The following SLC35B3 variants were observed in gnomAD, a reference collection of about 807,000 sequenced individuals.
SLC35B3 encodes solute carrier family 35 member B3.
A neutral mutation model predicts 44.1 loss-of-function variants in SLC35B3; 35 were observed. The observed-to-expected ratio is 0.79, with a 90% CI of 0.61 to 1.05. The LOEUF (loss-of-function observed/expected upper bound fraction) is 1.05. Ranked by LOEUF, SLC35B3 falls within the 50% of genes least tolerant of loss-of-function variation. SLC35B3 has a pLI of 0.00. For synonymous variants in SLC35B3, 146 were observed against 167.3 expected (o/e 0.87, Z 0.98); for missense variants, 414 against 476.4 (o/e 0.87, Z 1.22).
intron 8 of SLC35B3, 26 bp downstream of exon 7, chr6:8,417,376 T>A: frequency 7.1e-7 from 1 of 1,399,872 alleles, no homozygotes; most frequent in East Asian, 2.3e-5. Flanking sequence ...AGAAGATTTT[T>A]TTTTTTAAAT....
chr6:8,413,798 G>C, intron 10 of SLC35B3, 99 bp from the exon 10 acceptor site: 1 of 694,024 alleles, frequency 1.4e-6, no homozygotes, highest in Non-Finnish European at 2.2e-6. Flanking sequence ...ATTCTTCAGT[G>C]AAGTAAAATT....
chr6:8,427,086 G>A (rs1457746242), intron 4 of SLC35B3, among the ~76,000 whole-genome samples: 1 of 152,186 alleles, frequency 6.6e-6, no homozygotes, highest in Non-Finnish European at 1.5e-5. Context: ...AAAGGTAATT[G>A]GGTGCTGTTG....
chr6:8,429,788 G>T, intron 3 of SLC35B3, 76 bp downstream of exon 2: 1 of 1,122,736 alleles, frequency 8.9e-7, no homozygotes, highest in Non-Finnish European at 1.2e-6. Flanking sequence ...ACTATCTTGG[G>T]CAAAACTAGT....
rs562584011 is a variant in SLC35B3, at chr6:8,434,540, C to CT, written c.-43-111dup. 7,597 of 739,474 alleles carry CT rather than the reference C, an allele frequency of 0.01. No individual in the cohort carries two copies. The highest frequency in any genetic ancestry group is 0.011 in the South Asian group (345 of 30,124). The allele number at this position is 739,474 out of a possible 1,614,324, so 45.8% of individuals were successfully genotyped here. On this transcript the variant is annotated intron_variant, in intron 1 of 10. Coordinates refer to ENST00000644923, the MANE Select transcript of SLC35B3 (RefSeq NM_001370476.2). The surrounding 1 kb of genome is among the most constrained non-coding windows in gnomAD (Gnocchi z 6.3). ...CCTGTGCTAATGTTTGAAGACTATT[C>CT]TTTTTTTTTTCCAAGAGAAAAAGTT...
At chr6:8,416,487 G>C (rs1350639351) in intron 9 of SLC35B3, among the ~76,000 whole-genome samples, 2 of 152,022 alleles carry the variant, frequency 1.3e-5, no homozygotes, top group African/African-American at 4.8e-5. Context: ...ACAAATGAAA[G>C]GCCTAAAAAG....
intron 4 of SLC35B3, among the ~76,000 whole-genome samples, chr6:8,426,907 G>T (rs964340993): frequency 3.3e-5 from 5 of 152,148 alleles, no homozygotes; most frequent in Admixed American, 6.5e-5. Flanking sequence ...TCAGACTGAG[G>T]TGGTCTCAGA....
chr6:8,425,115 T>C (rs1763290227), intron 4 of SLC35B3, among the ~76,000 whole-genome samples: 1 of 152,238 alleles, frequency 6.6e-6, no homozygotes, highest in Non-Finnish European at 1.5e-5. Context: ...AAATATGTTA[T>C]GGTCACGTGA....
chr6:8,434,301 A>G lies in SLC35B3; in HGVS notation c.3+84T>C, dbSNP rs1764274458. 2.3e-6 allele frequency: 3 copies of G among 1,317,868 alleles called. No homozygotes were observed. The highest frequency in any genetic ancestry group is 3.2e-6 in the Non-Finnish European group (3 of 923,406). 81.6% of individuals were successfully genotyped at this position (1,317,868 alleles called of 1,614,324 possible). On this transcript the variant is annotated intron_variant, in intron 2 of 10. Transcript: ENST00000644923. The surrounding 1 kb of genome is among the most constrained non-coding windows in gnomAD (Gnocchi z 6.3). ...AAAAAAAGGTAGAATATGAAAAAAA[A>G]GTCATTACGGTGTCATTAACCTGAA...
chr6:8,432,168 C>T lies in SLC35B3; in HGVS notation c.4-2011G>A, dbSNP rs1216530925. 1.3e-5 allele frequency among the ~76,000 whole-genome samples: 2 copies of T among 152,008 alleles called. No individual in the cohort carries two copies. Among genetic ancestry groups the T allele is most frequent in the East Asian group, 3.9e-4 (2 of 5,170 alleles). ...AGATGAACCAAATAAACTGATCCTT[C>T]CTCTTGATACCCTCAAACTTCAGCT... On this transcript the variant is annotated intron_variant, in intron 2 of 10. Transcript: ENST00000644923. The surrounding 1 kb of genome is among the most constrained non-coding windows in gnomAD (Gnocchi z 4.8).
Position 8,420,869 on chromosome 6 carries a change from C to A in SLC35B3, c.575-41G>T, listed in dbSNP as rs910131031. ...GTAAGTCCACTTCATTATGCAAATA[C>A]CCACCCAGCTTTATATTTGCTCTAT... On this transcript the variant is annotated intron_variant, in intron 5 of 10. Transcript: ENST00000644923. This position sits in a 1 kb window ranked among gnomAD's most constrained non-coding sequence, Gnocchi z 4.4. The A allele has an allele frequency of 1.4e-6, 2 of 1,451,794 alleles. No individual in the cohort carries two copies. Among genetic ancestry groups the A allele is most frequent in the African/African-American group, 1.4e-5 (1 of 71,374 alleles). The allele number at this position is 1,451,794 out of a possible 1,614,324, so 89.9% of individuals were successfully genotyped here. A position where few individuals can be genotyped will look rare whatever the true frequency, so the allele number is the denominator to read the frequency against.
At position 8,434,931 on chromosome 6, in the gene SLC35B3, GAA is replaced by G. The variant is rs1764341667; in HGVS notation, c.-44+410_-44+411del. On this transcript the variant is annotated intron_variant, in intron 1 of 10. Transcript: ENST00000644923. The surrounding 1 kb of genome is among the most constrained non-coding windows in gnomAD (Gnocchi z 6.3). ...CACATTCTACTGCAAGCCAAATGGA[GAA>G]AAGAGTACCTTGGAGTGCCCCTATT... 1 of 333,946 alleles carries G rather than the reference GAA, an allele frequency of 3.0e-6. No individual in the cohort carries two copies. Among genetic ancestry groups the G allele is most frequent in the Non-Finnish European group, 4.9e-6 (1 of 203,988 alleles). 20.7% of individuals were successfully genotyped at this position (333,946 alleles called of 1,614,324 possible).
chr6:8,434,286 A>T lies in SLC35B3; in HGVS notation c.3+99T>A, dbSNP rs1764271671. On this transcript the variant is annotated intron_variant, in intron 2 of 10. Transcript: ENST00000644923. This position sits in a 1 kb window ranked among gnomAD's most constrained non-coding sequence, Gnocchi z 6.3. ...CAAAAGTCCCACACCAAAAAAAGGTAGAATATGAAAAAAAAGTCATTACGG... is the reference window on the plus strand; with the variant it reads ...CAAAAGTCCCACACCAAAAAAAGGTTGAATATGAAAAAAAAGTCATTACGG... The T allele has an allele frequency of 3.5e-6, 4 of 1,142,272 alleles. No individual in the cohort carries two copies. Among genetic ancestry groups the T allele is most frequent in the Non-Finnish European group, 3.9e-6 (3 of 767,492 alleles). The allele number at this position is 1,142,272 out of a possible 1,614,324, so 70.8% of individuals were successfully genotyped here.
intron 4 of SLC35B3, among the ~76,000 whole-genome samples, chr6:8,426,272 A>G (rs982247426): frequency 6.6e-6 from 1 of 152,188 alleles, no homozygotes; most frequent in African/African-American, 2.4e-5. Flanking sequence ...AGGTCTTAAT[A>G]TGAGATTTAT....
rs969872399 is a variant in SLC35B3 at position 8,434,276 on chromosome 6, A to G, written c.3+109T>C. 6.8e-6 allele frequency: 7 copies of G among 1,032,506 alleles called. No individual in the cohort carries two copies. The African/African-American group carries it at 9.7e-5, about 14-fold the overall frequency. The allele number at this position is 1,032,506 out of a possible 1,614,324, so 64.0% of individuals were successfully genotyped here. A position where few individuals can be genotyped will look rare whatever the true frequency, so the allele number is the denominator to read the frequency against. On this transcript the variant is annotated intron_variant, in intron 2 of 10. Coordinates refer to ENST00000644923, the MANE Select transcript of SLC35B3 (RefSeq NM_001370476.2). The surrounding 1 kb of genome is among the most constrained non-coding windows in gnomAD (Gnocchi z 6.3). ...ACCTGAAGGACAAAAGTCCCACACCAAAAAAAGGTAGAATATGAAAAAAAA... is the reference window on the plus strand; with the variant it reads ...ACCTGAAGGACAAAAGTCCCACACCGAAAAAAGGTAGAATATGAAAAAAAA...
At chr6:8,424,511 C>T (rs368208406) in intron 4 of SLC35B3, among the ~76,000 whole-genome samples, 29 of 152,274 alleles carry the variant, frequency 1.9e-4, no homozygotes, top group African/African-American at 4.3e-4. Flanking sequence ...CAACCTGCCT[C>T]GGCCTCCCAA....
chr6:8,424,056 A>G (rs1207221136), intron 4 of SLC35B3, among the ~76,000 whole-genome samples: 1 of 152,232 alleles, frequency 6.6e-6, no homozygotes, highest in African/African-American at 2.4e-5. Context: ...CAGTACAGGT[A>G]GAAAGAAAAC....
Position 8,433,353 on chromosome 6 carries a change from G to C in SLC35B3, c.3+1032C>G, listed in dbSNP as rs2113568667. Among the ~76,000 whole-genome samples the C allele has an allele frequency of 6.6e-6, 1 of 152,158 alleles. No individual in the cohort carries two copies. Among genetic ancestry groups the C allele is most frequent in the South Asian group, 2.1e-4 (1 of 4,820 alleles). On this transcript the variant is annotated intron_variant, in intron 2 of 10. Coordinates refer to ENST00000644923, the MANE Select transcript of SLC35B3 (RefSeq NM_001370476.2). This position sits in a 1 kb window ranked among gnomAD's most constrained non-coding sequence, Gnocchi z 4.1. ...ATTTTTCAAATTCCTAAATGATAATGGTATAGCTTTTTCGTTTTTATACTT... is the reference window on the plus strand; with the variant it reads ...ATTTTTCAAATTCCTAAATGATAATCGTATAGCTTTTTCGTTTTTATACTT...
intron 9 of SLC35B3, 45 bp from the exon 9 acceptor site, chr6:8,415,022 C>A: frequency 1.5e-6 from 2 of 1,295,542 alleles, no homozygotes; most frequent in Non-Finnish European, 1.1e-6. Context: ...ATTATCTTGA[C>A]AATATTTTAG....
chr6:8,431,205 A>G (rs140517259), intron 2 of SLC35B3, among the ~76,000 whole-genome samples: 167 of 152,342 alleles, frequency 1.1e-3, no homozygotes, highest in African/African-American at 3.8e-3. Context: ...AAGAATTATG[A>G]CAAAGTATAG....
Sources: allele counts gnomAD v4.1 joint callset (sites outside exome capture counted in the v4.1 genomes callset), GRCh38; gene constraint gnomAD v4.1.1; non-coding constraint Gnocchi (gnomAD v3.1); transcripts MANE v1.5; gene names NCBI Gene and HGNC (gene_info 2026-07-23, HGNC 2026-07-21).